SDK1: variants seen among roughly 807,000 people sequenced by gnomAD.
SDK1 encodes sidekick cell adhesion molecule 1, also known as protein sidekick-1.
In SDK1, 157 loss-of-function variants were observed where a neutral mutation model predicts 245.5. The observed-to-expected ratio is 0.64, with a 90% CI of 0.56 to 0.73. The LOEUF (loss-of-function observed/expected upper bound fraction) is 0.73, where lower values mean the gene tolerates loss of function less well. SDK1 is among the 30% of genes least tolerant of loss of function. The pLI, the probability that SDK1 is intolerant of heterozygous loss-of-function variation, is 0.00. For synonymous variants in SDK1, 1,647 were observed against 1,278.5 expected, an observed-to-expected ratio of 1.29 and a Z score of -6.15; for missense variants, 3,583 against 3,002.3, an observed-to-expected ratio of 1.19 and a Z score of -4.52.
At chr7:3,807,549 G>T (rs1260181631) in intron 4 of SDK1, among the ~76,000 whole-genome samples, 1 of 152,122 alleles carries the variant, frequency 6.6e-6, no homozygotes, top group Non-Finnish European at 1.5e-5. Flanking sequence ...CTATAGAAAG[G>T]GGGAGACAGA....
intron 5 of SDK1, among the ~76,000 whole-genome samples, chr7:3,845,306 A>C (rs755155961): frequency 9.2e-5 from 14 of 152,060 alleles, no homozygotes; most frequent in Non-Finnish European, 2.1e-4. Flanking sequence ...CCTGACCAGC[A>C]TGGGGAAACC....
chr7:3,793,280 C>T (rs1316300384), intron 4 of SDK1, among the ~76,000 whole-genome samples: 1 of 152,154 alleles, frequency 6.6e-6, no homozygotes, highest in Non-Finnish European at 1.5e-5. Flanking sequence ...ATTTACTCAG[C>T]TTTAAATCTT....
intron 1 of SDK1, among the ~76,000 whole-genome samples, chr7:3,400,464 C>T (rs927401644): frequency 6.6e-6 from 1 of 152,078 alleles, no homozygotes; most frequent in East Asian, 1.9e-4. Flanking sequence ...AAAAGTAAGT[C>T]CCTGAAGGTT....
chr7:4,175,081 C>G (rs1782108829), intron 33 of SDK1, among the ~76,000 whole-genome samples: 1 of 147,734 alleles, frequency 6.8e-6, no homozygotes, highest in Non-Finnish European at 1.5e-5. Context: ...GGCTGCCTAC[C>G]TCACGCGCCA....
At chr7:3,338,664 G>T (rs538462443) in intron 1 of SDK1, 3 of 188,772 alleles carry the variant, frequency 1.6e-5, no homozygotes, top group Middle Eastern at 2.1e-3. Flanking sequence ...AAATACTCTG[G>T]ACTGTGTTTA....
At chr7:3,584,700 C>G (rs1008246731) in intron 1 of SDK1, among the ~76,000 whole-genome samples, 2 of 151,148 alleles carry the variant, frequency 1.3e-5, no homozygotes, top group African/African-American at 4.9e-5. Context: ...TGTGCCCTTG[C>G]TGAAATTGGG....
intron 17 of SDK1, among the ~76,000 whole-genome samples, chr7:4,047,082 T>G (rs1401947274): frequency 6.6e-6 from 1 of 152,208 alleles, no homozygotes; most frequent in Non-Finnish European, 1.5e-5. Context: ...TATTTTATGT[T>G]TTTAGAGCTT....
intron 35 of SDK1, among the ~76,000 whole-genome samples, chr7:4,199,980 A>AGGT (rs1783795901): frequency 6.6e-6 from 1 of 152,210 alleles, no homozygotes; most frequent in Non-Finnish European, 1.5e-5. Flanking sequence ...CTGTAATCCC[A>AGGT]GCTACTCAGG....
intron 4 of SDK1, among the ~76,000 whole-genome samples, chr7:3,805,135 C>A (rs962028801): frequency 4.6e-5 from 7 of 152,168 alleles, no homozygotes; most frequent in African/African-American, 1.4e-4. Flanking sequence ...TAAGTACATA[C>A]AATTTTTATT....
chr7:3,428,228 G>A (rs879380075), intron 1 of SDK1, among the ~76,000 whole-genome samples: 2 of 152,148 alleles, frequency 1.3e-5, no homozygotes, highest in African/African-American at 4.8e-5. Flanking sequence ...AGTGATTGGT[G>A]CACTGAATAG....
chr7:3,384,187 C>G (rs1781555403), intron 1 of SDK1, among the ~76,000 whole-genome samples: 1 of 151,984 alleles, frequency 6.6e-6, no homozygotes, highest in Non-Finnish European at 1.5e-5. Flanking sequence ...TTTATTTTAT[C>G]TTTAAATGCC....
At chr7:4,128,055 A>G (rs11971374) in intron 26 of SDK1, among the ~76,000 whole-genome samples, 14,078 of 151,968 alleles carry the variant, frequency 0.093, 867 homozygotes, top group African/African-American at 0.17. Context: ...TCCATCTTCC[A>G]TGCATCCACC....
intron 40 of SDK1, chr7:4,227,443 A>G (rs1322277775): frequency 4.2e-6 from 2 of 470,764 alleles, no homozygotes; most frequent in Admixed American, 4.7e-5. Flanking sequence ...TTTTTTTTAA[A>G]TCAGATGTAT....
chr7:3,376,532 C>T (rs557967381), intron 1 of SDK1, among the ~76,000 whole-genome samples: 1 of 152,056 alleles, frequency 6.6e-6, no homozygotes, highest in Non-Finnish European at 1.5e-5. Context: ...AGATATTAGC[C>T]AAGAAATATA....
At chr7:3,807,497 G>C (rs1457349516) in intron 4 of SDK1, among the ~76,000 whole-genome samples, 2 of 152,126 alleles carry the variant, frequency 1.3e-5, no homozygotes, top group Non-Finnish European at 2.9e-5. Context: ...CTCTACCATA[G>C]GCCAGGCCTT....
chr7:3,692,154 G>A (rs1029826065), intron 4 of SDK1, among the ~76,000 whole-genome samples: 1 of 151,980 alleles, frequency 6.6e-6, no homozygotes, highest in African/African-American at 2.4e-5. Context: ...TTGTAATTAT[G>A]ATTTCTGTTC....
chr7:3,623,603 A>G (rs1056372235), intron 2 of SDK1, among the ~76,000 whole-genome samples: 23 of 152,324 alleles, frequency 1.5e-4, no homozygotes, highest in Middle Eastern at 3.4e-3. Context: ...TGACTACATT[A>G]GCAAGTTGAC....
At position 4,220,113 on chromosome 7, in the gene SDK1, G is replaced by C. The variant is rs760409193; in HGVS notation, c.5544G>C (p.Val1848=). 24 of 1,613,548 alleles carry C rather than the reference G, an allele frequency of 1.5e-5. No homozygotes were observed. The highest frequency in any genetic ancestry group is 1.9e-5 in the Non-Finnish European group (23 of 1,179,682). ...CTTTGCTTCTGGCGGCTGCAGGGGT[G>C]AGCAAGGTGGTGACCGTGGAAGTGA... ...VYEPLAPVQG[V]SKVVTVEVRG... is the part of the protein sequence containing the mutation. Residue 1848 remains valine (V), a synonymous_variant, in exon 39 of 45, where the codon GTG becomes GTC. Transcript: ENST00000404826.
intron 31 of SDK1, 28 bp downstream of exon 31, chr7:4,158,579 T>C: frequency 2.6e-6 from 4 of 1,533,446 alleles, no homozygotes; most frequent in Non-Finnish European, 3.6e-6. Context: ...CAGACCGCGT[T>C]CCTGGCCGCT....
Sources: gnomAD v4.1 joint callset for allele counts (sites outside exome capture counted in the v4.1 genomes callset) on GRCh38, gnomAD v4.1.1 for gene constraint, MANE v1.5 for transcripts, NCBI Gene and HGNC (gene_info 2026-07-23, HGNC 2026-07-21) for gene names.